Variants in TENM3 observed in about 807,000 individuals in gnomAD.
TENM3 encodes teneurin-3.
A neutral mutation model predicts 255.1 loss-of-function variants in TENM3; 63 were observed. That is an observed-to-expected ratio of 0.25 (90% CI 0.20 to 0.30). The LOEUF is 0.30. Ranked by LOEUF, TENM3 falls within the 10% of genes least tolerant of loss-of-function variation. The probability of loss-of-function intolerance (pLI) is 1.00; values close to 1 mark genes in which losing one functional copy is unlikely to be tolerated. For synonymous variants in TENM3, 1,306 were observed against 1,322.3 expected, an observed-to-expected ratio of 0.99 and a Z score of 0.27; for missense variants, 2,929 against 3,461.1, an observed-to-expected ratio of 0.85 and a Z score of 3.86.
chr4:181,962,788 C>T, the TENM3 span, among the ~76,000 whole-genome samples: 1 of 152,100 alleles, frequency 6.6e-6, no homozygotes, highest in African/African-American at 2.4e-5. Flanking sequence ...AGGTTCTTAG[C>T]GTCTCAAAAT....
the TENM3 span, among the ~76,000 whole-genome samples, chr4:181,510,585 A>G: frequency 3.3e-5 from 5 of 152,234 alleles, no homozygotes; most frequent in African/African-American, 9.6e-5. Flanking sequence ...AAGAAAGTGT[A>G]ACAAAAAGGA....
chr4:182,084,552 A>G, the TENM3 span, among the ~76,000 whole-genome samples: 2 of 152,196 alleles, frequency 1.3e-5, no homozygotes, highest in African/African-American at 4.8e-5. Context: ...CTTTTAGAAT[A>G]TAAGCTACAA....
chr4:181,943,900 C>T, the TENM3 span, among the ~76,000 whole-genome samples: 1 of 152,114 alleles, frequency 6.6e-6, no homozygotes, highest in African/African-American at 2.4e-5. Flanking sequence ...AATTATAGCT[C>T]TTTCTCTATC....
the TENM3 span, among the ~76,000 whole-genome samples, chr4:181,596,073 A>G: frequency 6.6e-6 from 1 of 152,162 alleles, no homozygotes; most frequent in Non-Finnish European, 1.5e-5. Context: ...GGCTTTGTTT[A>G]TCTCAATCAT....
chr4:182,194,402 C>A (rs900100865), intron 1 of TENM3, among the ~76,000 whole-genome samples: 1 of 152,040 alleles, frequency 6.6e-6, no homozygotes. Flanking sequence ...GCAGGGTTAC[C>A]GGAATATATT....
chr4:182,145,417 C>A (rs1749890425), intron 1 of TENM3, among the ~76,000 whole-genome samples: 1 of 152,130 alleles, frequency 6.6e-6, no homozygotes, highest in South Asian at 2.1e-4. Flanking sequence ...AATTTATGAG[C>A]CTGCAACTGA....
At chr4:182,554,867 CCTTTT>C (rs923753387) in intron 3 of TENM3, among the ~76,000 whole-genome samples, 8 of 151,606 alleles carry the variant, frequency 5.3e-5, no homozygotes, top group Non-Finnish European at 8.8e-5. Flanking sequence ...CTGTCCGTTT[CCTTTT>C]AAGCTTTTTT....
chr4:181,826,413 A>G, the TENM3 span, among the ~76,000 whole-genome samples: 2 of 152,250 alleles, frequency 1.3e-5, no homozygotes, highest in African/African-American at 4.8e-5. Flanking sequence ...TGACGGGATC[A>G]GGATGTAATT....
At chr4:182,357,538 T>C (rs1447129096) in intron 3 of TENM3, among the ~76,000 whole-genome samples, 5 of 149,354 alleles carry the variant, frequency 3.3e-5, no homozygotes, top group African/African-American at 1.2e-4. Flanking sequence ...TCTGTTCATG[T>C]CCTTCGCCCA....
chr4:182,752,640 A>G (rs764979600), intron 20 of TENM3, among the ~76,000 whole-genome samples: 3 of 152,120 alleles, frequency 2.0e-5, no homozygotes, highest in Non-Finnish European at 4.4e-5. Flanking sequence ...TATTTTTTTC[A>G]TGGTAGCTGC....
chr4:182,617,841 A>G (rs1749685115), intron 4 of TENM3, among the ~76,000 whole-genome samples: 1 of 152,210 alleles, frequency 6.6e-6, no homozygotes, highest in Admixed American at 6.5e-5. Context: ...AAGAAAGAAT[A>G]TAAGAGGAGG....
Position 182,743,370 on chromosome 4 carries a change from G to A in TENM3, c.3580G>A (p.Val1194Met), listed in dbSNP as rs181834312. The A allele has an allele frequency of 8.1e-6, 13 of 1,613,812 alleles. No individual in the cohort carries two copies. Among genetic ancestry groups the A allele is most frequent in the Non-Finnish European group, 1.1e-5 (13 of 1,179,868 alleles). ...TCTGTACGTAGGCGATTTCAACTAT[G>A]TGCGGCGGATATTCCCTTCTGGAAA... ...GSLYVGDFNY[V>M]RRIFPSGNVT... Residue 1194 changes from valine to methionine, a missense_variant, in exon 19 of 28, where the codon GTG (valine) becomes ATG (methionine). Around this residue, in one of 6 missense-constraint regions of TENM3, gnomAD observed 1,608 missense variants for 1,884.4 expected, o/e 0.85. Transcript: ENST00000511685.
In TENM3 at chr4:182,401,615, T is replaced by A. The variant is rs117575796; in HGVS notation, c.511+54686T>A. Among the ~76,000 whole-genome samples, 397 of 152,308 alleles carry A rather than the reference T, an allele frequency of 2.6e-3. 9 individuals are homozygous for A. In the South Asian group the frequency reaches 0.037, roughly 14 times the overall value. On this transcript the variant is annotated intron_variant, in intron 3 of 27. Coordinates refer to ENST00000511685, the MANE Select transcript of TENM3 (RefSeq NM_001080477.4). The stretch of plus-strand genomic sequence containing the variant: ...TATCAAAATGGCTTTCAGTTTTTTT[T>A]CAGGTCCACAGATGAGTAAGAATAT...
At chr4:181,686,907 T>C in the TENM3 span, among the ~76,000 whole-genome samples, 5 of 152,176 alleles carry the variant, frequency 3.3e-5, no homozygotes, top group Admixed American at 1.3e-4. Context: ...TAGATTTCCT[T>C]TTTCTTCCCC....
the TENM3 span, among the ~76,000 whole-genome samples, chr4:181,485,027 C>T: frequency 1.3e-5 from 2 of 152,176 alleles, no homozygotes; most frequent in African/African-American, 4.8e-5. Flanking sequence ...AAGATTACCC[C>T]AAATAAAACC....
chr4:181,785,517 G>A, the TENM3 span, among the ~76,000 whole-genome samples: 3 of 152,008 alleles, frequency 2.0e-5, no homozygotes, highest in Non-Finnish European at 2.9e-5. Context: ...ATATGTATGC[G>A]CATATACACA....
chr4:181,500,398 G>A, the TENM3 span, among the ~76,000 whole-genome samples: 2 of 151,984 alleles, frequency 1.3e-5, no homozygotes, highest in Non-Finnish European at 2.9e-5. Context: ...ATCGGGGGTG[G>A]GGGAGGCTGG....
At chr4:182,626,275 C>G (rs564525868) in intron 4 of TENM3, among the ~76,000 whole-genome samples, 2 of 152,220 alleles carry the variant, frequency 1.3e-5, no homozygotes, top group Admixed American at 6.5e-5. Flanking sequence ...ATTTGTAAAC[C>G]AGGGAATTAA....
the TENM3 span, among the ~76,000 whole-genome samples, chr4:181,894,585 A>G: frequency 6.6e-6 from 1 of 152,170 alleles, no homozygotes; most frequent in Non-Finnish European, 1.5e-5. Flanking sequence ...AAAGAGAAGA[A>G]GTGATTGGAA....
Sources: allele counts gnomAD v4.1 joint callset (sites outside exome capture counted in the v4.1 genomes callset), GRCh38; gene constraint gnomAD v4.1.1; regional missense constraint gnomAD v4.1.1; transcripts MANE v1.5; gene names NCBI Gene and HGNC (gene_info 2026-07-23, HGNC 2026-07-21).